Variants in ZNF568 observed in about 807,000 individuals in gnomAD.
ZNF568 encodes p53 inhibitor of SCO2 activation.
ZNF568 carries 11 observed loss-of-function variants against 18.1 expected under a neutral mutation model. The ratio of observed to expected loss-of-function variants is 0.61; its 90% CI spans 0.38 to 1.00. The LOEUF (loss-of-function observed/expected upper bound fraction) is 1.00. ZNF568 is among the 50% of genes least tolerant of loss of function. The pLI, the probability that ZNF568 is intolerant of heterozygous loss-of-function variation, is 0.01. For missense variants in ZNF568, 639 were observed against 768.2 expected (o/e 0.83, Z 1.99); for synonymous variants, 213 against 246.6 (o/e 0.86, Z 1.28).
chr19:36,948,579 C>T (rs496872), intron 6 of ZNF568, among the ~76,000 whole-genome samples: 54,171 of 151,038 alleles, frequency 0.36, 9,987 homozygotes, highest in African/African-American at 0.42. Flanking sequence ...GTCCCACCAG[C>T]AATGAGTGAG....
At position 36,949,781 on chromosome 19, in the gene ZNF568, C is replaced by T. The variant is rs781386236; in HGVS notation, c.628C>T (p.Pro210Ser). ...REKQSNEFGKPFYHCASYVVT... is the reference protein window; with the variant it reads ...REKQSNEFGKSFYHCASYVVT... ...GAAACAGAGTAATGAGTTTGGGAAA[C>T]CATTTTACCATTGTGCATCCTATGT... is the stretch of plus-strand genomic sequence containing the variant. Residue 210 changes from proline to serine, a missense_variant, in exon 7 of 7, where the codon CCA (proline) becomes TCA (serine). Physicochemically the swap from Pro to Ser is moderately conservative, Grantham distance 74. Coordinates refer to ENST00000333987, the MANE Select transcript of ZNF568 (RefSeq NM_198539.4). The T allele has an allele frequency of 6.2e-6, 10 of 1,613,906 alleles. No homozygotes were observed. In the South Asian group the frequency reaches 9.9e-5, roughly 16 times the overall value.
chr19:36,961,276 C>CT (rs142769873), intron 6 of ZNF568, among the ~76,000 whole-genome samples: 5,831 of 131,796 alleles, frequency 0.044, 155 homozygotes, highest in Admixed American at 0.076. Context: ...CCTTCTTTGT[C>CT]TTTTTTTTTT....
chr19:36,989,482 C>T (rs534614091), intron 2 of ZNF568, among the ~76,000 whole-genome samples: 1 of 152,200 alleles, frequency 6.6e-6, no homozygotes, highest in South Asian at 2.1e-4. Context: ...CCATGCCTGG[C>T]CAAGGCTGCT....
intron 7 of ZNF568, among the ~76,000 whole-genome samples, chr19:36,976,839 G>A (rs979562187): frequency 6.6e-6 from 1 of 152,146 alleles, no homozygotes; most frequent in African/African-American, 2.4e-5. Flanking sequence ...GAACCTGGGA[G>A]GTAGAGGTTG....
At chr19:36,982,326 G>A (rs555598612), downstream of ZNF568, among the ~76,000 whole-genome samples, 10 of 152,088 alleles carry the variant, frequency 6.6e-5, no homozygotes, top group African/African-American at 9.7e-5. Context: ...GGTTAGGGAC[G>A]TTGCTTTTTA....
At position 36,950,683 on chromosome 19, in the gene ZNF568, C is replaced by T; in HGVS notation, c.1530C>T (p.Ala510=). 6.2e-7 allele frequency: 1 copy of T among 1,613,726 alleles called. No homozygotes were observed. The highest frequency in any genetic ancestry group is 8.5e-7 in the Non-Finnish European group (1 of 1,179,922). ...ATGCATGTACAGTATGTGGAAAAGCCTTTAGTCAGAAATCAAACCTCACTG... is the reference window on the plus strand; with the variant it reads ...ATGCATGTACAGTATGTGGAAAAGCTTTTAGTCAGAAATCAAACCTCACTG... ...KPYACTVCGK[A]FSQKSNLTEH... Residue 510 remains alanine, a synonymous_variant, in exon 7 of 7, where the codon GCC becomes GCT. Coordinates refer to ENST00000333987, the MANE Select transcript of ZNF568 (RefSeq NM_198539.4).
chr19:36,949,775 G>C lies in ZNF568; in HGVS notation c.622G>C (p.Gly208Arg), dbSNP rs751743004. The change falls in exon 7 of 7, where the codon GGG becomes CGG. Residue 208 changes from glycine to arginine, a missense_variant. Transcript: ENST00000333987. ...CVREKQSNEF[G>R]KPFYHCASYV... The stretch of plus-strand genomic sequence containing the variant: ...AAGAGAGAAACAGAGTAATGAGTTT[G>C]GGAAACCATTTTACCATTGTGCATC... 33 of 1,613,752 alleles carry C rather than the reference G, an allele frequency of 2.0e-5. No individual in the cohort carries two copies. In the Admixed American group the frequency reaches 5.3e-4, roughly 26 times the overall value.
rs1307290488 is a variant in ZNF568 at position 36,990,875 on chromosome 19, C to T, written c.10-301C>T. On this transcript the variant is annotated intron_variant, in intron 2 of 4. Coordinates refer to the ZNF568 transcript ENST00000433993. ...ACATAGGGTGTTCCGTGTACTTGCA[C>T]GTACAGTTTCATTTAATTGGGAAAC... Among the ~76,000 whole-genome samples, 4 of 152,142 alleles carry T rather than the reference C, an allele frequency of 2.6e-5. 1 individual carries two copies. Among genetic ancestry groups the T allele is most frequent in the Non-Finnish European group, 5.9e-5 (4 of 68,020 alleles).
intron 3 of ZNF568, among the ~76,000 whole-genome samples, chr19:36,923,810 T>C (rs1357795576): frequency 6.6e-6 from 1 of 152,026 alleles, no homozygotes; most frequent in East Asian, 1.9e-4. Flanking sequence ...AGTAGCTCCA[T>C]TCCTGAACCT....
chr19:36,940,090 G>C (rs2073855910), intron 6 of ZNF568, among the ~76,000 whole-genome samples: 1 of 151,978 alleles, frequency 6.6e-6, no homozygotes, highest in South Asian at 2.1e-4. Context: ...ATCTCTCACT[G>C]GACATCACCC....
At chr19:36,995,135 C>T (rs1023048802) in intron 4 of ZNF568, among the ~76,000 whole-genome samples, 1 of 152,014 alleles carries the variant, frequency 6.6e-6, no homozygotes, top group African/African-American at 2.4e-5. Context: ...TGGTGACTTA[C>T]ACTTGTAATC....
chr19:36,996,470 C>G (rs1167759562), exon 5 of ZNF568: 12 of 1,536,462 alleles, frequency 7.8e-6, no homozygotes, highest in Non-Finnish European at 8.7e-6. Context: ...TTCAGACCAG[C>G]TGTAATACCA....
chr19:36,967,591 T>C (rs564780778), intron 6 of ZNF568, among the ~76,000 whole-genome samples: 2 of 152,128 alleles, frequency 1.3e-5, no homozygotes, highest in Non-Finnish European at 2.9e-5. Context: ...AAGCAAAAAA[T>C]TCCTTTGTGG....
intron 6 of ZNF568, among the ~76,000 whole-genome samples, chr19:36,939,643 G>A (rs573944303): frequency 4.1e-4 from 59 of 143,772 alleles, no homozygotes; most frequent in Admixed American, 1.7e-3. Context: ...GGGTTTAAGC[G>A]ATTCTTCTGC....
intron 6 of ZNF568, among the ~76,000 whole-genome samples, chr19:36,967,427 G>A (rs2074202279): frequency 6.6e-6 from 1 of 152,104 alleles, no homozygotes; most frequent in Non-Finnish European, 1.5e-5. Context: ...GCTGGGCATG[G>A]TGGCAGGTGC....
intron 2 of ZNF568, among the ~76,000 whole-genome samples, chr19:36,918,822 C>G (rs1600756926): frequency 6.6e-6 from 1 of 152,166 alleles, no homozygotes; most frequent in South Asian, 2.1e-4. Context: ...ATGGCATCTA[C>G]CATTCTACTT....
At chr19:36,961,808 C>T (rs2074152235) in intron 6 of ZNF568, among the ~76,000 whole-genome samples, 1 of 152,078 alleles carries the variant, frequency 6.6e-6, no homozygotes, top group African/African-American at 2.4e-5. Context: ...CAGGCGTGAG[C>T]CACTGACCTG....
intron 2 of ZNF568, among the ~76,000 whole-genome samples, chr19:36,990,208 G>T (rs1212999787): frequency 6.6e-6 from 1 of 152,196 alleles, no homozygotes; most frequent in East Asian, 1.9e-4. Context: ...CGCACCTCGT[G>T]TGACATCGTT....
Position 36,991,237 on chromosome 19 carries a change from C to G in ZNF568, c.71C>G (p.Ser24Cys), listed in dbSNP as rs1402532494. ...CAAAAGGAGTGGGAATGCTTGCACT[C>G]TGCTCAGAAGGATTTGTACCGAGAT... Residue 24 changes from serine (S) to cysteine (C), a missense_variant, in exon 3 of 5, where the codon TCT (serine) becomes TGT (cysteine). Ser to Cys is a moderately radical substitution (Grantham distance 112, BLOSUM62 -1). Transcript: ENST00000433993. 9 of 1,536,356 alleles carry G rather than the reference C, an allele frequency of 5.9e-6. No individual in the cohort carries two copies. The African/African-American group carries it at 1.1e-4, about 19-fold the overall frequency.
Sources: allele counts gnomAD v4.1 joint callset (sites outside exome capture counted in the v4.1 genomes callset), GRCh38; gene constraint gnomAD v4.1.1; transcripts MANE v1.5; gene names NCBI Gene and HGNC (gene_info 2026-07-23, HGNC 2026-07-21).